The following SLC14A2 variants were observed in gnomAD, a reference collection of about 807,000 sequenced individuals.
SLC14A2 encodes solute carrier family 14 member 2.
SLC14A2 carries 91 observed loss-of-function variants against 104.6 expected under a neutral mutation model. The ratio of observed to expected loss-of-function variants is 0.87; its 90% CI spans 0.73 to 1.04. The LOEUF is 1.04. SLC14A2 is among the 50% of genes least tolerant of loss of function. The pLI is 0.00. For missense variants in SLC14A2, 1,189 were observed against 1,156.0 expected, an observed-to-expected ratio of 1.03 and a Z score of -0.41; for synonymous variants, 476 against 466.4, an observed-to-expected ratio of 1.02 and a Z score of -0.27.
At chr18:45,341,595 CTTTTTTTT>C (rs376534367) in intron 1 of SLC14A2, among the ~76,000 whole-genome samples, 52 of 83,154 alleles carry the variant, frequency 6.3e-4, no homozygotes, top group African/African-American at 2.6e-3. Context: ...TCTAGTATTA[CTTTTTTTT>C]TTTTTTTTTT....
intron 1 of SLC14A2, among the ~76,000 whole-genome samples, chr18:45,262,676 G>C (rs912360095): frequency 3.3e-5 from 5 of 152,128 alleles, no homozygotes; most frequent in Non-Finnish European, 7.4e-5. Context: ...CACCCTGGAT[G>C]GGGGAGCCAC....
At chr18:45,362,805 A>G (rs1451269236) in intron 1 of SLC14A2, among the ~76,000 whole-genome samples, 1 of 152,172 alleles carries the variant, frequency 6.6e-6, no homozygotes, top group African/African-American at 2.4e-5. Flanking sequence ...TAAACATTTG[A>G]TAGTTTCAGC....
intron 1 of SLC14A2, among the ~76,000 whole-genome samples, chr18:45,430,399 A>G (rs2086495351): frequency 6.6e-6 from 1 of 152,224 alleles, no homozygotes; most frequent in South Asian, 2.1e-4. Flanking sequence ...ATGGCTATAA[A>G]TCAAGTTGAA....
At chr18:45,550,810 G>A (rs887320286) in intron 2 of SLC14A2, among the ~76,000 whole-genome samples, 3 of 152,178 alleles carry the variant, frequency 2.0e-5, no homozygotes, top group Admixed American at 6.5e-5. Context: ...TTCTGGGACA[G>A]GTCCTGTGAT....
At chr18:45,630,548 G>A (rs958787320) in intron 4 of SLC14A2, among the ~76,000 whole-genome samples, 2 of 152,112 alleles carry the variant, frequency 1.3e-5, no homozygotes, top group African/African-American at 4.8e-5. Flanking sequence ...TAGTCAGGGA[G>A]GGAAATCCAG....
chr18:45,253,223 C>T (rs1450647052), intron 1 of SLC14A2, among the ~76,000 whole-genome samples: 1 of 152,144 alleles, frequency 6.6e-6, no homozygotes, highest in Non-Finnish European at 1.5e-5. Context: ...GCTGTTGTTG[C>T]TGGCTGGAGG....
At chr18:45,517,729 T>C (rs948834611) in intron 2 of SLC14A2, among the ~76,000 whole-genome samples, 1 of 152,188 alleles carries the variant, frequency 6.6e-6, no homozygotes, top group South Asian at 2.1e-4. Flanking sequence ...CTCCAGGACT[T>C]TCTGTCCTTT....
chr18:45,250,755 C>CTTTTTTTTTTTTTTTTTTTTTTTTTTT (rs67864793), intron 1 of SLC14A2, among the ~76,000 whole-genome samples: 5 of 93,894 alleles, frequency 5.3e-5, no homozygotes, highest in African/African-American at 2.2e-4. Context: ...TGGCTTCTTC[C>CTTTTTTTTTTTTTTTTTTTTTTTTTTT]TTTTTTTTTT....
At chr18:45,519,875 G>A (rs2043492359) in intron 2 of SLC14A2, among the ~76,000 whole-genome samples, 1 of 152,176 alleles carries the variant, frequency 6.6e-6, no homozygotes, top group Non-Finnish European at 1.5e-5. Context: ...ACCAGAATCA[G>A]ATGGGACTCC....
At chr18:45,309,294 G>A (rs1886317113) in intron 1 of SLC14A2, among the ~76,000 whole-genome samples, 1 of 151,046 alleles carries the variant, frequency 6.6e-6, no homozygotes, top group South Asian at 2.1e-4. Flanking sequence ...CGGACTCCAG[G>A]ACTTCTCTTA....
chr18:45,331,058 T>C (rs1409432165), intron 1 of SLC14A2, among the ~76,000 whole-genome samples: 1 of 152,232 alleles, frequency 6.6e-6, no homozygotes, highest in Non-Finnish European at 1.5e-5. Context: ...GATATTTTTG[T>C]GCCCCAAATT....
At chr18:45,614,203 G>T (rs1284647879), upstream of SLC14A2, among the ~76,000 whole-genome samples, 5 of 152,238 alleles carry the variant, frequency 3.3e-5, no homozygotes, top group South Asian at 2.1e-4. Flanking sequence ...CTTCCATGTG[G>T]TGTTGAGCCT....
intron 1 of SLC14A2, among the ~76,000 whole-genome samples, chr18:45,434,758 TG>T (rs974946272): frequency 6.6e-6 from 1 of 152,172 alleles, no homozygotes; most frequent in Non-Finnish European, 1.5e-5. Context: ...TTCTAAAGAA[TG>T]GGCAAGATAA....
At chr18:45,466,514 G>T (rs2087145799) in intron 1 of SLC14A2, among the ~76,000 whole-genome samples, 1 of 149,480 alleles carries the variant, frequency 6.7e-6, no homozygotes, top group South Asian at 2.2e-4. Context: ...GGGCCTTGAG[G>T]CATGAGTTCA....
At chr18:45,184,008 G>A in the SLC14A2 span, among the ~76,000 whole-genome samples, 11 of 144,390 alleles carry the variant, frequency 7.6e-5, no homozygotes, top group Non-Finnish European at 3.0e-5. Context: ...CCAATCTCGG[G>A]CTCCCAAAGT....
At chr18:45,584,327 C>T (rs892973374) in intron 2 of SLC14A2, among the ~76,000 whole-genome samples, 2 of 152,190 alleles carry the variant, frequency 1.3e-5, no homozygotes, top group Non-Finnish European at 2.9e-5. Context: ...TTAACAGAAA[C>T]TCATGCCTCA....
chr18:45,591,394 G>C (rs758811726), intron 2 of SLC14A2, among the ~76,000 whole-genome samples: 1 of 152,156 alleles, frequency 6.6e-6, no homozygotes. Context: ...GGAGTGCAGT[G>C]GTGCGATCTC....
intron 1 of SLC14A2, among the ~76,000 whole-genome samples, chr18:45,390,965 CATGTGCACA>C: frequency 6.6e-6 from 1 of 152,104 alleles, no homozygotes; most frequent in East Asian, 1.9e-4. Flanking sequence ...TTTTAGGGTA[CATGTGCACA>C]ATGTGCAGGT....
rs76795856 is a variant in SLC14A2 at position 45,406,484 on chromosome 18, G to A, written c.-124-76749G>A. On this transcript the variant is annotated intron_variant, in intron 1 of 20. Transcript: ENST00000586448. The stretch of plus-strand genomic sequence containing the variant: ...CAATGTCCTCCAAACACCTGTTAAT[G>A]TTGTAATTTTGGCCTCTTCCCATGA... Among the ~76,000 whole-genome samples the A allele has an allele frequency of 9.9e-4, 151 of 152,274 alleles. 2 individuals are homozygous for A. In the East Asian group the frequency reaches 0.024, roughly 25 times the overall value.
Sources: gnomAD v4.1 joint callset for allele counts (sites outside exome capture counted in the v4.1 genomes callset) on GRCh38, gnomAD v4.1.1 for gene constraint, MANE v1.5 for transcripts, NCBI Gene and HGNC (gene_info 2026-07-23, HGNC 2026-07-21) for gene names.